TNNI3K: variants seen among roughly 807,000 people sequenced by gnomAD.
TNNI3K encodes serine/threonine-protein kinase TNNI3K.
TNNI3K carries 140 observed loss-of-function variants against 114.5 expected under a neutral mutation model. The ratio of observed to expected loss-of-function variants is 1.22; its 90% CI spans 1.07 to 1.41. The LOEUF is 1.41. Among genes scored for constraint, TNNI3K ranks in the 40% most tolerant of loss-of-function variants. The pLI, the probability that TNNI3K is intolerant of heterozygous loss-of-function variation, is 0.00. For missense variants in TNNI3K, 1,125 were observed against 1,007.6 expected (o/e 1.12, Z -1.58); for synonymous variants, 347 against 347.5 (o/e 1.00, Z 0.02).
chr1:74,479,648 A>C (rs1403597829), intron 21 of TNNI3K, among the ~76,000 whole-genome samples: 1 of 152,222 alleles, frequency 6.6e-6, no homozygotes, highest in African/African-American at 2.4e-5. Flanking sequence ...TGAGATTGCC[A>C]TAATAGCATC....
Position 74,489,628 on chromosome 1 carries a change from C to T in TNNI3K, c.2181+380C>T, listed in dbSNP as rs45489693. On this transcript the variant is annotated intron_variant, in intron 22 of 24. Coordinates refer to ENST00000326637, the MANE Select transcript of TNNI3K (RefSeq NM_015978.3). Reference sequence around the variant, plus strand: ...AGCCATTGTTCATTTACATTCAATGCGAAAAGAAAAATTATCAATAAAATA... The same window carrying T: ...AGCCATTGTTCATTTACATTCAATGTGAAAAGAAAAATTATCAATAAAATA... 5.3e-5 allele frequency among the ~76,000 whole-genome samples: 8 copies of T among 152,048 alleles called. 1 individual carries two copies. Among genetic ancestry groups the T allele is most frequent in the South Asian group, 2.1e-4 (1 of 4,806 alleles).
At chr1:74,483,872 T>C (rs1200134638) in intron 21 of TNNI3K, among the ~76,000 whole-genome samples, 1 of 152,152 alleles carries the variant, frequency 6.6e-6, no homozygotes, top group African/African-American at 2.4e-5. Flanking sequence ...AAATTCTTAC[T>C]CCTTATAGAT....
At chr1:74,290,152 G>A (rs554501009) in intron 5 of TNNI3K, among the ~76,000 whole-genome samples, 1 of 151,296 alleles carries the variant, frequency 6.6e-6, no homozygotes, top group Admixed American at 6.6e-5. Context: ...AACTAGGTAT[G>A]GGATTAAAGA....
At chr1:74,523,614 A>G (rs72981549) in intron 23 of TNNI3K, among the ~76,000 whole-genome samples, 17 of 152,266 alleles carry the variant, frequency 1.1e-4, no homozygotes, top group African/African-American at 4.1e-4. Flanking sequence ...TCATGAGTCT[A>G]GCTTTGCAGA....
intron 20 of TNNI3K, among the ~76,000 whole-genome samples, chr1:74,460,193 G>A (rs556497399): frequency 1.3e-3 from 192 of 151,530 alleles, no homozygotes; most frequent in African/African-American, 4.5e-3. Context: ...TTCCTGCCTC[G>A]AGTAGCTGGG....
intron 23 of TNNI3K, among the ~76,000 whole-genome samples, chr1:74,512,912 A>G (rs1297536306): frequency 6.6e-6 from 1 of 152,198 alleles, no homozygotes; most frequent in Non-Finnish European, 1.5e-5. Flanking sequence ...GTGATCACCT[A>G]AAGCTGGCCT....
intron 4 of TNNI3K, among the ~76,000 whole-genome samples, chr1:74,257,463 A>C (rs1296290405): frequency 6.6e-6 from 1 of 152,064 alleles, no homozygotes; most frequent in East Asian, 1.9e-4. Context: ...AAAGCTAGAA[A>C]TTATGTATTA....
intron 23 of TNNI3K, among the ~76,000 whole-genome samples, chr1:74,506,082 C>T (rs901548678): frequency 6.6e-6 from 1 of 152,082 alleles, no homozygotes; most frequent in East Asian, 1.9e-4. Context: ...TAACACAGCC[C>T]GGGTCCTAGG....
At chr1:74,384,281 A>G (rs1262480870) in intron 17 of TNNI3K, among the ~76,000 whole-genome samples, 2 of 152,162 alleles carry the variant, frequency 1.3e-5, no homozygotes, top group African/African-American at 4.8e-5. Flanking sequence ...TGTGCTGTAG[A>G]TAATTATTTG....
At chr1:74,358,546 G>A (rs955594353) in intron 11 of TNNI3K, among the ~76,000 whole-genome samples, 3 of 152,020 alleles carry the variant, frequency 2.0e-5, no homozygotes, top group Non-Finnish European at 4.4e-5. Context: ...AGTAAGAAGA[G>A]ATAGATTCAT....
At chr1:74,478,542 C>A (rs1158238730) in intron 21 of TNNI3K, among the ~76,000 whole-genome samples, 1 of 152,068 alleles carries the variant, frequency 6.6e-6, no homozygotes, top group Non-Finnish European at 1.5e-5. Flanking sequence ...CTCTAGAACA[C>A]AAATTCAATG....
intron 17 of TNNI3K, among the ~76,000 whole-genome samples, chr1:74,419,501 A>G (rs1665291572): frequency 6.6e-6 from 1 of 152,052 alleles, no homozygotes; most frequent in South Asian, 2.1e-4. Context: ...AGATCAGCCA[A>G]TCACCGATTT....
chr1:74,343,439 G>A (rs554087760), intron 9 of TNNI3K, among the ~76,000 whole-genome samples: 1 of 152,292 alleles, frequency 6.6e-6, no homozygotes, highest in Admixed American at 6.5e-5. Flanking sequence ...GACTGATGTT[G>A]CCAAGGCAAC....
intron 5 of TNNI3K, among the ~76,000 whole-genome samples, chr1:74,293,524 T>C (rs1657803003): frequency 1.3e-5 from 2 of 151,754 alleles, no homozygotes; most frequent in Admixed American, 6.6e-5. Flanking sequence ...ATTAAAATTT[T>C]CATTTGTTTC....
At chr1:74,446,207 T>C (rs1453263531) in intron 20 of TNNI3K, among the ~76,000 whole-genome samples, 1 of 152,078 alleles carries the variant, frequency 6.6e-6, no homozygotes, top group Non-Finnish European at 1.5e-5. Flanking sequence ...ACCTGTTGTT[T>C]CCTGACTTTG....
At chr1:74,401,562 A>T (rs1288242608) in intron 17 of TNNI3K, among the ~76,000 whole-genome samples, 4 of 152,218 alleles carry the variant, frequency 2.6e-5, no homozygotes, top group Non-Finnish European at 4.4e-5. Context: ...TGAACAAGTT[A>T]GAAAAGAATA....
At chr1:74,279,356 A>G (rs959846586) in intron 5 of TNNI3K, among the ~76,000 whole-genome samples, 1 of 152,192 alleles carries the variant, frequency 6.6e-6, no homozygotes, top group Non-Finnish European at 1.5e-5. Context: ...AAATTTTAGT[A>G]ATCAGTTCAT....
intron 22 of TNNI3K, among the ~76,000 whole-genome samples, chr1:74,489,841 G>A (rs770005290): frequency 2.6e-5 from 4 of 152,046 alleles, no homozygotes; most frequent in Middle Eastern, 3.4e-3. Context: ...AATCGAGGGA[G>A]CTAAAACATG....
chr1:74,541,836 C>A (rs866362809), intron 24 of TNNI3K, among the ~76,000 whole-genome samples: 1 of 152,174 alleles, frequency 6.6e-6, no homozygotes, highest in African/African-American at 2.4e-5. Context: ...AGCATCACAT[C>A]ATACAAGAAA....
Sources: gnomAD v4.1 joint callset for allele counts (sites outside exome capture counted in the v4.1 genomes callset) on GRCh38, gnomAD v4.1.1 for gene constraint, MANE v1.5 for transcripts, NCBI Gene and HGNC (gene_info 2026-07-23, HGNC 2026-07-21) for gene names.